The following ATP9B variants were observed in gnomAD, a reference collection of about 807,000 sequenced individuals.
The protein encoded by ATP9B is ATPase phospholipid transporting 9B.
A neutral mutation model predicts 146.1 loss-of-function variants in ATP9B; 110 were observed. The observed-to-expected ratio is 0.75, with a 90% CI of 0.65 to 0.88. The LOEUF (loss-of-function observed/expected upper bound fraction) is 0.88, where lower values mean the gene tolerates loss of function less well. Ranked by LOEUF, ATP9B falls within the 40% of genes least tolerant of loss-of-function variation. ATP9B has a pLI of 0.00. For synonymous variants in ATP9B, 604 were observed against 569.7 expected (o/e 1.06, Z -0.86); for missense variants, 1,499 against 1,496.4 (o/e 1.00, Z -0.03).
intron 5 of ATP9B, among the ~76,000 whole-genome samples, chr18:79,138,984 C>T (rs72992320): frequency 0.06 from 9,063 of 152,208 alleles, 362 homozygotes; most frequent in Non-Finnish European, 0.092. Flanking sequence ...GGGGGGATCA[C>T]CCGAGCCAGG....
Position 79,329,169 on chromosome 18 carries a change from T to G in ATP9B, c.1802T>G (p.Val601Gly). 1.2e-6 allele frequency: 2 copies of G among 1,609,506 alleles called. No homozygotes were observed. Among genetic ancestry groups the G allele is most frequent in the Non-Finnish European group, 1.7e-6 (2 of 1,178,742 alleles). The change falls in exon 16 of 30, where the codon GTG becomes GGG. Residue 601 changes from valine to glycine, a missense_variant. Transcript: ENST00000426216. ...GCTCTGGTGCAGTGGACAGAGAGTG[T>G]GGGCCTCACGCTGGTCAGCAGGGAC... ...EVALVQWTES[V>G]GLTLVSRDLT...
intron 13 of ATP9B, 72 bp from the exon 14 acceptor site, chr18:79,303,532 C>A: frequency 8.2e-7 from 1 of 1,224,222 alleles, no homozygotes; most frequent in Non-Finnish European, 1.2e-6. Context: ...AGCATGCCTG[C>A]ATGGTAGGAA....
intron 15 of ATP9B, among the ~76,000 whole-genome samples, chr18:79,325,847 A>G (rs918258556): frequency 1.3e-5 from 2 of 151,504 alleles, no homozygotes; most frequent in African/African-American, 4.9e-5. Context: ...TGCACACTCC[A>G]TTCCTTCACA....
At chr18:79,129,528 T>A (rs2094343088) in intron 5 of ATP9B, among the ~76,000 whole-genome samples, 1 of 152,124 alleles carries the variant, frequency 6.6e-6, no homozygotes, top group Non-Finnish European at 1.5e-5. Context: ...TCTCTCTTCA[T>A]TTTGAAGGAA....
rs201677744 is a variant in ATP9B at position 79,131,353 on chromosome 18, G to T, written c.667+4978G>T. ...GAAAGATAACCCAATTAGAAAATAG[G>T]CAAAGGACCTGGACAGGCAATTCTA... On this transcript the variant is annotated intron_variant, in intron 5 of 29. Transcript: ENST00000426216. Among the ~76,000 whole-genome samples the T allele has an allele frequency of 3.9e-5, 6 of 152,234 alleles. No individual in the cohort carries two copies. In the East Asian group the frequency reaches 1.2e-3, roughly 29 times the overall value.
chr18:79,332,245 C>T (rs528996162), intron 17 of ATP9B, among the ~76,000 whole-genome samples: 23 of 152,116 alleles, frequency 1.5e-4, no homozygotes, highest in East Asian at 1.2e-3. Context: ...CTGGCTAACA[C>T]GGTGAAACCC....
chr18:79,219,681 T>A (rs2095660035), intron 11 of ATP9B, among the ~76,000 whole-genome samples: 1 of 152,164 alleles, frequency 6.6e-6, no homozygotes, highest in Admixed American at 6.5e-5. Flanking sequence ...TTCTCCTCCC[T>A]CTCCTTCCGT....
chr18:79,178,734 A>G (rs2095213543), intron 8 of ATP9B, among the ~76,000 whole-genome samples: 1 of 152,034 alleles, frequency 6.6e-6, no homozygotes, highest in African/African-American at 2.4e-5. Context: ...GTCATACTGC[A>G]TGTCTTTTTA....
intron 5 of ATP9B, among the ~76,000 whole-genome samples, chr18:79,129,203 G>C (rs2094337333): frequency 6.6e-6 from 1 of 152,160 alleles, no homozygotes; most frequent in Non-Finnish European, 1.5e-5. Flanking sequence ...AAGCCAGATA[G>C]TAGAGTGTCA....
At chr18:79,192,344 G>T (rs527276117) in intron 8 of ATP9B, among the ~76,000 whole-genome samples, 1 of 152,098 alleles carries the variant, frequency 6.6e-6, no homozygotes, top group Non-Finnish European at 1.5e-5. Context: ...TCATGGGTTG[G>T]GGGGCGGGTC....
chr18:79,259,654 A>G (rs1227505357), intron 12 of ATP9B, among the ~76,000 whole-genome samples: 1 of 152,168 alleles, frequency 6.6e-6, no homozygotes, highest in African/African-American at 2.4e-5. Context: ...GCGCTTCCAG[A>G]GCAGACGGAC....
intron 17 of ATP9B, 143 bp downstream of exon 17, chr18:79,330,247 A>G: frequency 1.4e-6 from 1 of 736,460 alleles, no homozygotes; most frequent in Non-Finnish European, 2.3e-6. Context: ...GCTTGCAGAC[A>G]CTGGTATCAT....
chr18:79,202,111 G>T (rs1274479455), intron 9 of ATP9B, among the ~76,000 whole-genome samples: 1 of 152,178 alleles, frequency 6.6e-6, no homozygotes, highest in African/African-American at 2.4e-5. Flanking sequence ...CCCTGTGGCA[G>T]TATACCCAGT....
At chr18:79,287,663 T>G (rs2096459041) in intron 13 of ATP9B, among the ~76,000 whole-genome samples, 2 of 151,984 alleles carry the variant, frequency 1.3e-5, no homozygotes, top group African/African-American at 4.8e-5. Flanking sequence ...TGCTAGCTTT[T>G]GAATGTGTTT....
chr18:79,158,538 C>T (rs527522578), intron 7 of ATP9B, among the ~76,000 whole-genome samples: 40 of 152,138 alleles, frequency 2.6e-4, no homozygotes, highest in Admixed American at 1.9e-3. Flanking sequence ...CGTGATCCTC[C>T]CACCTTAGCC....
intron 6 of ATP9B, chr18:79,144,738 C>CTTATTTT (rs59829111): frequency 0.56 from 84,606 of 151,342 alleles, 25,288 homozygotes; most frequent in African/African-American, 0.79. Flanking sequence ...TTGTTTTATT[C>CTTATTTT]TTATTTTTAT....
intron 27 of ATP9B, among the ~76,000 whole-genome samples, chr18:79,373,142 A>G (rs1343933716): frequency 6.6e-6 from 1 of 152,054 alleles, no homozygotes; most frequent in Non-Finnish European, 1.5e-5. Flanking sequence ...AGCACTTACC[A>G]CATTGTATAC....
chr18:79,319,640 T>C (rs567283347), intron 15 of ATP9B, among the ~76,000 whole-genome samples: 5 of 152,312 alleles, frequency 3.3e-5, no homozygotes, highest in East Asian at 3.9e-4. Context: ...CTCTCCCACG[T>C]TGATAGCACA....
rs370309598 is a variant in ATP9B, at chr18:79,374,004, G to A, written c.3177G>A (p.Ala1059=). Reference sequence around the variant, plus strand: ...TCCTGACCGAGCTGCTGATGGTGGCGCTGACCGTCCGCACGTGGCACTGGC... The same window carrying A: ...TCCTGACCGAGCTGCTGATGGTGGCACTGACCGTCCGCACGTGGCACTGGC... The part of the protein sequence containing the change: ...ALILTELLMV[A]LTVRTWHWLM... Residue 1059 remains alanine, a synonymous_variant, in exon 28 of 30, where the codon GCG becomes GCA. Coordinates refer to ENST00000426216, the MANE Select transcript of ATP9B (RefSeq NM_198531.5). The A allele has an allele frequency of 1.3e-4, 217 of 1,614,032 alleles. No homozygotes were observed. Among genetic ancestry groups the A allele is most frequent in the Non-Finnish European group, 1.7e-4 (203 of 1,180,048 alleles).
Sources: allele counts gnomAD v4.1 joint callset (sites outside exome capture counted in the v4.1 genomes callset), GRCh38; gene constraint gnomAD v4.1.1; transcripts MANE v1.5; gene names NCBI Gene and HGNC (gene_info 2026-07-23, HGNC 2026-07-21).